The following CERS3 variants were observed in gnomAD, a reference collection of about 807,000 sequenced individuals.
The protein encoded by CERS3 is LAG1 homolog, ceramide synthase 3.
CERS3 carries 33 observed loss-of-function variants against 50.3 expected under a neutral mutation model. The ratio of observed to expected loss-of-function variants is 0.66; its 90% CI spans 0.50 to 0.88. The LOEUF (loss-of-function observed/expected upper bound fraction) is 0.88. Ranked by LOEUF, CERS3 falls within the 40% of genes least tolerant of loss-of-function variation. The pLI is 0.00. For synonymous variants in CERS3, 176 were observed against 155.2 expected (o/e 1.13, Z -0.99); for missense variants, 470 against 460.3 (o/e 1.02, Z -0.19).
At chr15:100,484,845 C>T (rs1369819810) in intron 4 of CERS3, among the ~76,000 whole-genome samples, 177 bp from the exon 5 acceptor site, 1 of 152,132 alleles carries the variant, frequency 6.6e-6, no homozygotes, top group African/African-American at 2.4e-5. Flanking sequence ...TATATGCACA[C>T]ATACCAAAAA....
rs1220486686 is a variant in CERS3 at position 100,466,824 on chromosome 15, C to CTCTCTTTCTCTCTTT, written c.845+2553_845+2554insAAAGAGAGAAAGAGA. Among the ~76,000 whole-genome samples, 13 of 30,712 alleles carry CTCTCTTTCTCTCTTT rather than the reference C, an allele frequency of 4.2e-4. No homozygotes were observed. The South Asian group carries it at 0.023, about 55-fold the overall frequency. 20.1% of individuals were successfully genotyped at this position (30,712 alleles called of 152,430 possible). On this transcript the variant is annotated intron_variant, in intron 10 of 11. Transcript: ENST00000679737. Reference sequence around the variant, plus strand: ...CCCTCCCTCCCTCCCTCCCTCTCTCCCTCTCTCCCTCTCTCCCTCTCTCTT... The same window carrying CTCTCTTTCTCTCTTT: ...CCCTCCCTCCCTCCCTCCCTCTCTCCTCTCTTTCTCTCTTTCTCTCTCCCTCTCTCCCTCTCTCTT...
At chr15:100,453,853 C>G (rs949607637) in intron 11 of CERS3, among the ~76,000 whole-genome samples, 6 of 152,178 alleles carry the variant, frequency 3.9e-5, no homozygotes, top group African/African-American at 9.6e-5. Context: ...GAACGACACA[C>G]TAGCTGAAAA....
chr15:100,413,251 C>CA (rs1596610755), intron 11 of CERS3, among the ~76,000 whole-genome samples: 2 of 152,150 alleles, frequency 1.3e-5, no homozygotes, highest in East Asian at 3.9e-4. Flanking sequence ...CAAAGATCTG[C>CA]AAAAACATTT....
intron 10 of CERS3, 117 bp from the exon 11 acceptor site, chr15:100,456,163 C>A: frequency 1.1e-5 from 7 of 610,066 alleles, no homozygotes; most frequent in South Asian, 4.5e-5. Context: ...CTAATAAAGC[C>A]CAGAAAATTA....
At chr15:100,414,007 C>G (rs2031700819) in intron 11 of CERS3, among the ~76,000 whole-genome samples, 1 of 152,048 alleles carries the variant, frequency 6.6e-6, no homozygotes, top group African/African-American at 2.4e-5. Flanking sequence ...CCAAATTCTA[C>G]CAGATGTATG....
intron 11 of CERS3, among the ~76,000 whole-genome samples, chr15:100,443,021 G>C (rs919835251): frequency 1.3e-5 from 2 of 151,910 alleles, no homozygotes; most frequent in African/African-American, 4.8e-5. Flanking sequence ...CTCCTTTTTA[G>C]TTATCCCCAC....
intron 2 of CERS3, among the ~76,000 whole-genome samples, chr15:100,511,239 A>AGAT (rs1393056216): frequency 2.6e-5 from 4 of 152,196 alleles, no homozygotes; most frequent in African/African-American, 9.7e-5. Flanking sequence ...TAGTGAGCCA[A>AGAT]GATTACACCA....
chr15:100,424,501 A>G (rs1455936612), intron 11 of CERS3, among the ~76,000 whole-genome samples: 1 of 152,200 alleles, frequency 6.6e-6, no homozygotes, highest in Non-Finnish European at 1.5e-5. Flanking sequence ...GAGGTCTCAG[A>G]TGGAGATGAA....
chr15:100,460,274 T>G (rs1284290604), intron 10 of CERS3, among the ~76,000 whole-genome samples: 1 of 152,206 alleles, frequency 6.6e-6, no homozygotes, highest in Non-Finnish European at 1.5e-5. Context: ...ATCTGTAAAA[T>G]GCGAGCAGAG....
At chr15:100,505,000 G>A (rs2036134822) in intron 2 of CERS3, among the ~76,000 whole-genome samples, 1 of 152,154 alleles carries the variant, frequency 6.6e-6, no homozygotes, top group Admixed American at 6.5e-5. Context: ...ACCAGTCGAG[G>A]CCACAGAGGC....
At chr15:100,470,161 T>C (rs773422557) in intron 9 of CERS3, among the ~76,000 whole-genome samples, 1 of 152,028 alleles carries the variant, frequency 6.6e-6, no homozygotes, top group Non-Finnish European at 1.5e-5. Flanking sequence ...TGTCCAGGGC[T>C]GAAGAGGGAA....
At chr15:100,451,947 T>A (rs535850117) in intron 11 of CERS3, among the ~76,000 whole-genome samples, 1 of 152,260 alleles carries the variant, frequency 6.6e-6, no homozygotes, top group South Asian at 2.1e-4. Context: ...TCTAAATATA[T>A]GTGTAGCCAA....
chr15:100,515,313 T>G (rs2036459715), intron 2 of CERS3, among the ~76,000 whole-genome samples: 1 of 152,194 alleles, frequency 6.6e-6, no homozygotes, highest in South Asian at 2.1e-4. Flanking sequence ...CAAAGTGTAC[T>G]CCCTTAGTCA....
intron 2 of CERS3, among the ~76,000 whole-genome samples, chr15:100,508,102 G>GT (rs1468831552): frequency 1.3e-5 from 2 of 152,154 alleles, no homozygotes; most frequent in African/African-American, 4.8e-5. Context: ...TGTCTGAACC[G>GT]TAAGTGTAGC....
chr15:100,446,648 C>T (rs756116504), intron 11 of CERS3, among the ~76,000 whole-genome samples: 23 of 152,114 alleles, frequency 1.5e-4, no homozygotes, highest in Non-Finnish European at 2.5e-4. Context: ...ATATTATACA[C>T]GGATAGTAAC....
chr15:100,509,962 GTAA>G (rs2036291996), intron 2 of CERS3, among the ~76,000 whole-genome samples: 1 of 149,902 alleles, frequency 6.7e-6, no homozygotes. Context: ...AAAGGGTCGG[GTAA>G]ACATGTTTAT....
intron 1 of CERS3, among the ~76,000 whole-genome samples, chr15:100,534,181 G>A (rs917265697): frequency 6.6e-6 from 1 of 152,092 alleles, no homozygotes; most frequent in African/African-American, 2.4e-5. Context: ...TGTCAGTGAT[G>A]GGACAGGACA....
At chr15:100,490,631 T>C (rs148101618) in intron 4 of CERS3, 186 bp downstream of exon 4, 1 of 513,660 alleles carries the variant, frequency 1.9e-6, no homozygotes, top group Non-Finnish European at 3.4e-6. Flanking sequence ...TTTTATATTA[T>C]CATATGTATC....
intron 5 of CERS3, among the ~76,000 whole-genome samples, chr15:100,483,411 A>G (rs2035375446): frequency 6.6e-6 from 1 of 152,186 alleles, no homozygotes; most frequent in African/African-American, 2.4e-5. Context: ...AGTGCTATGC[A>G]CAGAAAAGAT....
Sources: gnomAD v4.1 joint callset for allele counts (sites outside exome capture counted in the v4.1 genomes callset) on GRCh38, gnomAD v4.1.1 for gene constraint, MANE v1.5 for transcripts, NCBI Gene and HGNC (gene_info 2026-07-23, HGNC 2026-07-21) for gene names.